The following SPOCK1 variants were observed in gnomAD, a reference collection of about 807,000 sequenced individuals.
SPOCK1 encodes the protein SPARC (osteonectin), cwcv and kazal like domains proteoglycan 1.
In SPOCK1, 23 loss-of-function variants were observed where a neutral mutation model predicts 55.3. That is an observed-to-expected ratio of 0.42 (90% confidence interval 0.30 to 0.59). The LOEUF is 0.59. SPOCK1 is among the 20% of genes least tolerant of loss of function. SPOCK1 has a pLI of 0.22. For synonymous variants in SPOCK1, 226 were observed against 221.0 expected, an observed-to-expected ratio of 1.02 and a Z score of -0.20; for missense variants, 499 against 552.5, an observed-to-expected ratio of 0.90 and a Z score of 0.97.
At chr5:137,368,000 C>T (rs1157483829) in intron 2 of SPOCK1, among the ~76,000 whole-genome samples, 1 of 152,224 alleles carries the variant, frequency 6.6e-6, no homozygotes, top group Non-Finnish European at 1.5e-5. Context: ...CTTATACTAT[C>T]CAACCGCCCC....
intron 2 of SPOCK1, among the ~76,000 whole-genome samples, chr5:137,497,666 C>G (rs954841795): frequency 6.6e-6 from 1 of 152,164 alleles, no homozygotes; most frequent in Non-Finnish European, 1.5e-5. Flanking sequence ...TCTGCGTGTC[C>G]GGGAGTAACT....
At chr5:137,382,944 G>T (rs1374088227) in intron 2 of SPOCK1, among the ~76,000 whole-genome samples, 1 of 152,160 alleles carries the variant, frequency 6.6e-6, no homozygotes, top group African/African-American at 2.4e-5. Context: ...AGTAAAAAAT[G>T]GCCTTTTTGT....
At chr5:137,194,965 T>G (rs1407309717) in intron 3 of SPOCK1, among the ~76,000 whole-genome samples, 1 of 152,134 alleles carries the variant, frequency 6.6e-6, no homozygotes, top group African/African-American at 2.4e-5. Flanking sequence ...GAAAACAACG[T>G]GCTGAGAGCA....
At chr5:137,148,202 T>C (rs558945764) in intron 3 of SPOCK1, among the ~76,000 whole-genome samples, 1 of 152,308 alleles carries the variant, frequency 6.6e-6, no homozygotes, top group South Asian at 2.1e-4. Flanking sequence ...TCTTGGCATG[T>C]GTCTCTGAGA....
intron 2 of SPOCK1, among the ~76,000 whole-genome samples, chr5:137,451,020 C>T (rs1022386031): frequency 1.3e-5 from 2 of 152,124 alleles, no homozygotes; most frequent in Non-Finnish European, 2.9e-5. Flanking sequence ...CAAAGCTCCT[C>T]AGTCTCTCTC....
At chr5:137,212,767 C>T (rs1412795018) in intron 3 of SPOCK1, among the ~76,000 whole-genome samples, 1 of 152,332 alleles carries the variant, frequency 6.6e-6, no homozygotes, top group East Asian at 1.9e-4. Flanking sequence ...TTGCTTTACC[C>T]TGAAGCTGAG....
At chr5:137,423,469 A>G (rs892946003) in intron 2 of SPOCK1, among the ~76,000 whole-genome samples, 18 of 152,142 alleles carry the variant, frequency 1.2e-4, no homozygotes, top group Non-Finnish European at 2.5e-4. Context: ...TTACCTACTC[A>G]AGCCTCGGCA....
chr5:137,267,125 T>C, intron 2 of SPOCK1, 70 bp from the exon 3 acceptor site: 1 of 1,346,870 alleles, frequency 7.4e-7, no homozygotes, highest in South Asian at 1.2e-5. Context: ...CATAAAAACC[T>C]GCCTTCCTTT....
chr5:137,109,459 T>C (rs1753426922), intron 5 of SPOCK1, among the ~76,000 whole-genome samples: 2 of 152,138 alleles, frequency 1.3e-5, no homozygotes, highest in African/African-American at 4.8e-5. Flanking sequence ...CTCTTGGTAA[T>C]GATGTTTTCT....
intron 2 of SPOCK1, among the ~76,000 whole-genome samples, chr5:137,423,093 A>G (rs1459418615): frequency 6.6e-6 from 1 of 152,202 alleles, no homozygotes; most frequent in Non-Finnish European, 1.5e-5. Flanking sequence ...GAGGCTGCAG[A>G]ACAGCAAATA....
At chr5:137,343,331 C>T (rs1279463457) in intron 2 of SPOCK1, among the ~76,000 whole-genome samples, 3 of 152,230 alleles carry the variant, frequency 2.0e-5, no homozygotes, top group Non-Finnish European at 4.4e-5. Context: ...CTTGTCTAGG[C>T]TCACCCAGAG....
chr5:137,122,101 T>C (rs1753696710), intron 4 of SPOCK1, among the ~76,000 whole-genome samples: 1 of 151,976 alleles, frequency 6.6e-6, no homozygotes, highest in Non-Finnish European at 1.5e-5. Flanking sequence ...GACTGCAGTC[T>C]GCACTTTCCA....
chr5:137,275,354 C>T (rs1757044962), intron 2 of SPOCK1, among the ~76,000 whole-genome samples: 1 of 152,186 alleles, frequency 6.6e-6, no homozygotes, highest in Non-Finnish European at 1.5e-5. Flanking sequence ...AATAAAACAC[C>T]AGCTATTAAC....
At chr5:137,221,492 T>C (rs1322486276) in intron 3 of SPOCK1, among the ~76,000 whole-genome samples, 1 of 152,170 alleles carries the variant, frequency 6.6e-6, no homozygotes, top group African/African-American at 2.4e-5. Context: ...ATGAGGGTGG[T>C]TGCCTCATCT....
At chr5:137,092,509 C>T (rs549239644) in intron 5 of SPOCK1, among the ~76,000 whole-genome samples, 1 of 152,198 alleles carries the variant, frequency 6.6e-6, no homozygotes, top group Non-Finnish European at 1.5e-5. Context: ...AGAGGCCCTC[C>T]CTGATACCCA....
intron 2 of SPOCK1, among the ~76,000 whole-genome samples, chr5:137,381,156 A>G (rs1434384778): frequency 1.3e-5 from 2 of 152,054 alleles, no homozygotes; most frequent in African/African-American, 4.8e-5. Context: ...CTCCAAAATA[A>G]TCTCCTTTTG....
intron 2 of SPOCK1, among the ~76,000 whole-genome samples, chr5:137,269,513 G>A (rs1756919941): frequency 6.6e-6 from 1 of 152,162 alleles, no homozygotes; most frequent in African/African-American, 2.4e-5. Flanking sequence ...ATGGGGGAGG[G>A]GTCTCTTAGC....
intron 6 of SPOCK1, among the ~76,000 whole-genome samples, chr5:137,019,750 A>G (rs1291817379): frequency 6.6e-6 from 1 of 152,108 alleles, no homozygotes; most frequent in African/African-American, 2.4e-5. Flanking sequence ...CTTCAGACAG[A>G]AGAAAAGTGC....
chr5:137,171,401 G>A (rs1010749700), intron 3 of SPOCK1, among the ~76,000 whole-genome samples: 5 of 152,096 alleles, frequency 3.3e-5, no homozygotes, highest in African/African-American at 1.2e-4. Context: ...ATACAGAGCT[G>A]GCACTTGATC....
Sources: allele counts gnomAD v4.1 joint callset (sites outside exome capture counted in the v4.1 genomes callset), GRCh38; gene constraint gnomAD v4.1.1; transcripts MANE v1.5; gene names NCBI Gene and HGNC (gene_info 2026-07-23, HGNC 2026-07-21).